The following SEMA3A variants were observed in gnomAD, a reference collection of about 807,000 sequenced individuals.
The protein encoded by SEMA3A is semaphorin 3A, also known as semaphorin-3A.
Under a neutral mutation model 97.9 loss-of-function variants are expected in SEMA3A, and 29 were observed. The observed-to-expected ratio is 0.30, with a 90% CI of 0.22 to 0.40. The LOEUF (loss-of-function observed/expected upper bound fraction) is 0.40. Among genes scored for constraint, SEMA3A ranks in the 10% least tolerant of loss-of-function variants. The probability of loss-of-function intolerance (pLI) is 1.00; values close to 1 mark genes in which losing one functional copy is unlikely to be tolerated. For missense variants in SEMA3A, 763 were observed against 951.3 expected, an observed-to-expected ratio of 0.80 and a Z score of 2.60; for synonymous variants, 321 against 323.7, an observed-to-expected ratio of 0.99 and a Z score of 0.09.
chr7:84,134,191 T>C (rs1584016236), intron 2 of SEMA3A, among the ~76,000 whole-genome samples: 1 of 152,244 alleles, frequency 6.6e-6, no homozygotes, highest in African/African-American at 2.4e-5. Flanking sequence ...TCTGATACTT[T>C]GATCTCCTAG....
At chr7:83,966,870 C>T (rs1788717188) in intron 15 of SEMA3A, among the ~76,000 whole-genome samples, 1 of 152,054 alleles carries the variant, frequency 6.6e-6, no homozygotes, top group African/African-American at 2.4e-5. Context: ...CGCCACCACG[C>T]CCAGCTAATT....
intron 5 of SEMA3A, among the ~76,000 whole-genome samples, chr7:84,058,703 T>G (rs1196974631): frequency 6.6e-6 from 1 of 152,190 alleles, no homozygotes; most frequent in African/African-American, 2.4e-5. Flanking sequence ...TTTACCATAT[T>G]GGATAGGTTA....
chr7:84,425,412 C>A (rs1165577277), intron 1 of SEMA3A, among the ~76,000 whole-genome samples: 1 of 125,274 alleles, frequency 8.0e-6, no homozygotes, highest in Non-Finnish European at 1.6e-5. Flanking sequence ...TAAATATATG[C>A]CTATATTTAT....
At chr7:84,095,909 C>G (rs80266457) in intron 4 of SEMA3A, among the ~76,000 whole-genome samples, 2 of 56,064 alleles carry the variant, frequency 3.6e-5, no homozygotes, top group South Asian at 4.5e-4. Context: ...GCAGTTGATT[C>G]ATTTTCAATA....
At chr7:84,079,121 T>C (rs1239701806) in intron 4 of SEMA3A, among the ~76,000 whole-genome samples, 1 of 152,200 alleles carries the variant, frequency 6.6e-6, no homozygotes, top group East Asian at 1.9e-4. Flanking sequence ...AATTACATTA[T>C]CTAGAATGAA....
chr7:83,979,267 G>T lies in SEMA3A; in HGVS notation c.1652+2054C>A, dbSNP rs530006004. On this transcript the variant is annotated intron_variant, in intron 14 of 16. Coordinates refer to ENST00000265362, the MANE Select transcript of SEMA3A (RefSeq NM_006080.3). Reference sequence around the variant, plus strand: ...TTCTGCCTCAGCCTCCCAAATAGCTGGGATTACAGGCATCCGCCACCACAC... The same window carrying T: ...TTCTGCCTCAGCCTCCCAAATAGCTTGGATTACAGGCATCCGCCACCACAC... Among the ~76,000 whole-genome samples the T allele has an allele frequency of 2.0e-5, 3 of 151,718 alleles. No homozygotes were observed. In the East Asian group the frequency reaches 5.9e-4, roughly 30 times the overall value.
intron 1 of SEMA3A, among the ~76,000 whole-genome samples, chr7:84,444,329 G>A (rs1253664616): frequency 6.6e-6 from 1 of 151,798 alleles, no homozygotes; most frequent in African/African-American, 2.4e-5. Flanking sequence ...GTTTATCTAG[G>A]TGCAAAAAAA....
At chr7:84,279,879 T>C (rs1800394561) in intron 3 of SEMA3A, among the ~76,000 whole-genome samples, 1 of 152,062 alleles carries the variant, frequency 6.6e-6, no homozygotes, top group African/African-American at 2.4e-5. Flanking sequence ...TAATGACATA[T>C]TCATATATTT....
chr7:84,273,483 AT>A (rs1800205784), intron 3 of SEMA3A, among the ~76,000 whole-genome samples: 1 of 152,146 alleles, frequency 6.6e-6, no homozygotes, highest in African/African-American at 2.4e-5. Context: ...CATAAAGTGA[AT>A]TTTACTTAGG....
intron 1 of SEMA3A, among the ~76,000 whole-genome samples, chr7:84,415,198 C>A (rs1804398773): frequency 6.6e-6 from 1 of 152,030 alleles, no homozygotes; most frequent in Non-Finnish European, 1.5e-5. Flanking sequence ...AAACAGAAAT[C>A]TACCAGGTGA....
chr7:84,378,974 T>G (rs561303476), intron 1 of SEMA3A, among the ~76,000 whole-genome samples: 2 of 152,000 alleles, frequency 1.3e-5, no homozygotes, highest in East Asian at 3.9e-4. Context: ...TCGCCCAGGC[T>G]GGAGTGCAGT....
chr7:84,104,752 T>G (rs1795058617), intron 4 of SEMA3A, among the ~76,000 whole-genome samples: 1 of 150,746 alleles, frequency 6.6e-6, no homozygotes, highest in East Asian at 2.0e-4. Flanking sequence ...AATTTAGAAC[T>G]TTAACAGTCC....
intron 3 of SEMA3A, among the ~76,000 whole-genome samples, chr7:84,296,183 G>A (rs1329515748): frequency 6.6e-6 from 1 of 152,038 alleles, no homozygotes; most frequent in East Asian, 1.9e-4. Context: ...TGTAAAATAT[G>A]AACGTATTTT....
chr7:83,989,289 A>C (rs1359511048), intron 12 of SEMA3A, among the ~76,000 whole-genome samples: 1 of 152,180 alleles, frequency 6.6e-6, no homozygotes, highest in Non-Finnish European at 1.5e-5. Context: ...TTCCTTAATA[A>C]TACAAAAAAA....
chr7:84,316,763 C>A (rs1244951230), intron 2 of SEMA3A, among the ~76,000 whole-genome samples: 5 of 150,788 alleles, frequency 3.3e-5, no homozygotes, highest in Non-Finnish European at 7.4e-5. Context: ...ATTTTTTTTT[C>A]CAAAACTGTT....
intron 9 of SEMA3A, among the ~76,000 whole-genome samples, chr7:84,008,028 A>T (rs572122782): frequency 6.6e-6 from 1 of 151,752 alleles, no homozygotes; most frequent in South Asian, 2.1e-4. Flanking sequence ...TCTTGTGAAG[A>T]CACTTAAAAT....
chr7:83,986,970 TCA>T (rs61054337), intron 12 of SEMA3A, among the ~76,000 whole-genome samples: 5,276 of 106,764 alleles, frequency 0.049, 317 homozygotes, highest in African/African-American at 0.15. Context: ...TCTCTCTCTT[TCA>T]CACACACACA....
At chr7:84,198,684 G>A (rs12673519), upstream of SEMA3A, among the ~76,000 whole-genome samples, 42,233 of 152,028 alleles carry the variant, frequency 0.28, 6,388 homozygotes, top group Non-Finnish European at 0.35. Context: ...TTTCAAATAT[G>A]ATTAACTCCT....
chr7:84,269,886 C>A (rs984192237), intron 3 of SEMA3A, among the ~76,000 whole-genome samples: 9 of 152,022 alleles, frequency 5.9e-5, no homozygotes, highest in African/African-American at 2.2e-4. Context: ...ATTAAGTAAT[C>A]ATTTTAGAAC....
Sources: gnomAD v4.1 joint callset for allele counts (sites outside exome capture counted in the v4.1 genomes callset) on GRCh38, gnomAD v4.1.1 for gene constraint, MANE v1.5 for transcripts, NCBI Gene and HGNC (gene_info 2026-07-23, HGNC 2026-07-21) for gene names.